The following SLC34A1 variants were observed in gnomAD, a reference collection of about 807,000 sequenced individuals.
The protein encoded by SLC34A1 is sodium-dependent phosphate transport protein 2A.
A neutral mutation model predicts 51.4 loss-of-function variants in SLC34A1; 57 were observed. That is an observed-to-expected ratio of 1.11 (90% CI 0.90 to 1.38). The LOEUF (loss-of-function observed/expected upper bound fraction) is 1.38. Among genes scored for constraint, SLC34A1 ranks in the 40% most tolerant of loss-of-function variants. The probability of loss-of-function intolerance (pLI) is 0.00; values close to 1 mark genes in which losing one functional copy is unlikely to be tolerated. For synonymous variants in SLC34A1, 368 were observed against 358.0 expected, an observed-to-expected ratio of 1.03 and a Z score of -0.32; for missense variants, 796 against 835.6, an observed-to-expected ratio of 0.95 and a Z score of 0.58.
chr5:177,384,948 A>G (rs867523062), intron 1 of SLC34A1, among the ~76,000 whole-genome samples: 19 of 152,084 alleles, frequency 1.2e-4, no homozygotes, highest in Middle Eastern at 6.8e-3. Flanking sequence ...ACGCTGGGAC[A>G]ATGCGGGGAG....
chr5:177,389,591 A>G (rs749991503), intron 8 of SLC34A1: 77 of 1,536,558 alleles, frequency 5.0e-5, no homozygotes, highest in Non-Finnish European at 6.4e-5. Context: ...GAGCTCTCTG[A>G]GCACTCTTAG....
At position 177,385,834 on chromosome 5, in the gene SLC34A1, C is replaced by A; in HGVS notation, c.93C>A (p.Tyr31Ter). The A allele has an allele frequency of 6.2e-7, 1 of 1,613,526 alleles. No homozygotes were observed. Among genetic ancestry groups the A allele is most frequent in the South Asian group, 1.1e-5 (1 of 90,944 alleles). ...GHVMRGTAFA[Y>*]VPSPQVLHRI... ...TGATGCGAGGGACGGCCTTTGCCTA[C>A]GTGCCCAGCCCTCAGGGTAAGTGCT... Residue 31 changes from tyrosine (Y) to a stop codon, truncating the protein, a stop_gained, in exon 2 of 13, where the codon TAC (tyrosine) becomes TAA (stop). Transcript: ENST00000324417. LOFTEE classifies it high-confidence loss of function.
intron 1 of SLC34A1, among the ~76,000 whole-genome samples, chr5:177,384,731 A>C (rs1762498714): frequency 6.6e-6 from 1 of 152,024 alleles, no homozygotes. Context: ...GTGTGGTGGC[A>C]GGCACCTGTA....
rs1762575135 is a variant in SLC34A1 at position 177,386,419 on chromosome 5, C to T, written c.389-4C>T. On this transcript the variant is annotated splice_polypyrimidine_tract_variant and splice_region_variant and intron_variant, in intron 4 of 12. Coordinates refer to ENST00000324417, the MANE Select transcript of SLC34A1 (RefSeq NM_003052.5). This position sits in a 1 kb window ranked among gnomAD's most constrained non-coding sequence, Gnocchi z 4.8. ...CTTGGACAACGCTGGCTCATGCTCC[C>T]CAGGGAAGGTGGCTGGTGACATCTT... The T allele has an allele frequency of 6.2e-7, 1 of 1,614,220 alleles. No homozygotes were observed. The highest frequency in any genetic ancestry group is 2.2e-5 in the East Asian group (1 of 44,880).
chr5:177,387,611 T>C, intron 5 of SLC34A1, 151 bp from the exon 6 acceptor site: 1 of 723,124 alleles, frequency 1.4e-6, no homozygotes, highest in Non-Finnish European at 2.5e-6. Context: ...CGTGCCCACA[T>C]GCACCTGTGA....
In SLC34A1 at chr5:177,386,610, C is replaced by T. The variant is rs1360527088; in HGVS notation, c.532+44C>T. On this transcript the variant is annotated intron_variant, in intron 5 of 12. Coordinates refer to ENST00000324417, the MANE Select transcript of SLC34A1 (RefSeq NM_003052.5). The surrounding 1 kb of genome is among the most constrained non-coding windows in gnomAD (Gnocchi z 4.8). ...GTGGGGAAGAGCTTGGAGGGGCACC[C>T]CAGGAGCTGGGAAGGGTGGCAAATG... The T allele has an allele frequency of 2.5e-6, 4 of 1,610,986 alleles. No individual in the cohort carries two copies. In the African/African-American group the frequency reaches 5.3e-5, roughly 22 times the overall value.
Position 177,396,817 on chromosome 5 carries a change from C to G in SLC34A1, c.1259C>G (p.Ser420Cys). ...ATGACCTTCGTGGTCCAGAGCAGTT[C>G]TGTGTTCACCTCGGCCATCACCCCA... Reference protein sequence around the residue: ...ASMTFVVQSSSVFTSAITPLI... With the variant: ...ASMTFVVQSSCVFTSAITPLI... The change falls in exon 11 of 13, where the codon TCT becomes TGT. Residue 420 changes from serine (S) to cysteine (C), a missense_variant. By Grantham distance (112) the Ser-to-Cys change is moderately radical. Coordinates refer to ENST00000324417, the MANE Select transcript of SLC34A1 (RefSeq NM_003052.5). This position sits in a 1 kb window ranked among gnomAD's most constrained non-coding sequence, Gnocchi z 4.0. 1.9e-6 allele frequency: 3 copies of G among 1,614,242 alleles called. No homozygotes were observed. The highest frequency in any genetic ancestry group is 2.5e-6 in the Non-Finnish European group (3 of 1,180,052).
rs781272696 is a variant in SLC34A1, at chr5:177,396,821, G to A, written c.1263G>A (p.Val421=). The change falls in exon 11 of 13, where the codon GTG becomes GTA. Residue 421 remains valine, a synonymous_variant. Coordinates refer to ENST00000324417, the MANE Select transcript of SLC34A1 (RefSeq NM_003052.5). This position sits in a 1 kb window ranked among gnomAD's most constrained non-coding sequence, Gnocchi z 4.0. ...CCTTCGTGGTCCAGAGCAGTTCTGTGTTCACCTCGGCCATCACCCCACTCA... is the reference window on the plus strand; with the variant it reads ...CCTTCGTGGTCCAGAGCAGTTCTGTATTCACCTCGGCCATCACCCCACTCA... The part of the protein sequence containing the change: ...SMTFVVQSSS[V]FTSAITPLIG... 4.3e-6 allele frequency: 7 copies of A among 1,614,126 alleles called. No individual in the cohort carries two copies. The Admixed American group carries it at 5.0e-5, about 12-fold the overall frequency.
chr5:177,397,398 T>C, intron 12 of SLC34A1: 1 of 486,988 alleles, frequency 2.1e-6, no homozygotes, highest in Non-Finnish European at 3.8e-6. Flanking sequence ...AGGCCGCAAA[T>C]GGCAAAGGGG....
At position 177,386,996 on chromosome 5, in the gene SLC34A1, A is replaced by G. The variant is rs1762597871; in HGVS notation, c.532+430A>G. On this transcript the variant is annotated intron_variant, in intron 5 of 12. Coordinates refer to ENST00000324417, the MANE Select transcript of SLC34A1 (RefSeq NM_003052.5). This position sits in a 1 kb window ranked among gnomAD's most constrained non-coding sequence, Gnocchi z 4.8. ...CTGACTGTAGACGTGAATTGCATCT[A>G]CAAAACACCTTACAGAACACCCAGG... Among the ~76,000 whole-genome samples, 2 of 152,078 alleles carry G rather than the reference A, an allele frequency of 1.3e-5. No individual in the cohort carries two copies. Among genetic ancestry groups the G allele is most frequent in the South Asian group, 4.1e-4 (2 of 4,830 alleles).
chr5:177,393,947 A>G, intron 9 of SLC34A1, 81 bp from the exon 10 acceptor site: 1 of 1,583,282 alleles, frequency 6.3e-7, no homozygotes, highest in South Asian at 1.1e-5. Flanking sequence ...GGGCCTTAGG[A>G]TCAGAGCCCA....
chr5:177,397,590 A>G (rs1469456107), intron 12 of SLC34A1, 193 bp from the exon 13 acceptor site: 18 of 687,612 alleles, frequency 2.6e-5, no homozygotes, highest in East Asian at 1.6e-4. Context: ...CAACTGGTCT[A>G]GAAGTATTTC....
chr5:177,387,166 C>T (rs907701805), intron 5 of SLC34A1, among the ~76,000 whole-genome samples: 2 of 151,176 alleles, frequency 1.3e-5, no homozygotes, highest in South Asian at 2.1e-4. Flanking sequence ...GTCAGTAGAT[C>T]GAGACCACCC....
At position 177,393,707 on chromosome 5, in the gene SLC34A1, T is replaced by C; in HGVS notation, c.950T>C (p.Met317Thr). 6.2e-7 allele frequency: 1 copy of C among 1,614,164 alleles called. No individual in the cohort carries two copies. Among genetic ancestry groups the C allele is most frequent in the Non-Finnish European group, 8.5e-7 (1 of 1,180,012 alleles). Residue 317 changes from methionine (M) to threonine (T), a missense_variant, in exon 9 of 13, where the codon ATG (methionine) becomes ACG (threonine). Transcript: ENST00000324417. ...HPDSLQAPTS[M>T]SRAEANSSQT... Reference sequence around the variant, plus strand: ...CTCCTGATCTAGGCTCCCACCTCCATGTCCAGAGCAGAGGCCAACTCCAGC... The same window carrying C: ...CTCCTGATCTAGGCTCCCACCTCCACGTCCAGAGCAGAGGCCAACTCCAGC...
chr5:177,392,106 T>G (rs970457056), intron 8 of SLC34A1, among the ~76,000 whole-genome samples: 22 of 152,190 alleles, frequency 1.4e-4, no homozygotes, highest in African/African-American at 4.8e-4. Flanking sequence ...AAGAGCACAT[T>G]GCCCCATTCA....
In SLC34A1 at chr5:177,396,982, C is replaced by G; in HGVS notation, c.1324C>G (p.Pro442Ala). The change falls in exon 12 of 13, where the codon CCG (proline) becomes GCG (alanine). Residue 442 changes from proline (P) to alanine (A), a missense_variant. Coordinates refer to ENST00000324417, the MANE Select transcript of SLC34A1 (RefSeq NM_003052.5). This position sits in a 1 kb window ranked among gnomAD's most constrained non-coding sequence, Gnocchi z 4.0. ...LGVISIERAY[P>A]LTLGSNIGTT... ...TGTGATCAGCATTGAGAGGGCCTAC[C>G]CGCTCACACTGGGTTCCAACATCGG... 1.2e-6 allele frequency: 2 copies of G among 1,614,152 alleles called. No homozygotes were observed. The highest frequency in any genetic ancestry group is 1.7e-6 in the Non-Finnish European group (2 of 1,180,022).
Position 177,396,619 on chromosome 5 carries a change from A to G in SLC34A1, c.1175-114A>G, listed in dbSNP as rs9800062. The G allele has an allele frequency of 2.3e-3, 1,505 of 664,998 alleles. 25 individuals carry two copies. In the African/African-American group the frequency reaches 0.033, roughly 15 times the overall value. The allele number at this position is 664,998 out of a possible 1,614,324, so 41.2% of individuals were successfully genotyped here. ...CCTCTCTCCCAGTGCCCCCGCGGAG[A>G]TCCGCTCTCCCAGTGCCCCCGCGGA... On this transcript the variant is annotated intron_variant, in intron 10 of 12. Coordinates refer to ENST00000324417, the MANE Select transcript of SLC34A1 (RefSeq NM_003052.5). This position sits in a 1 kb window ranked among gnomAD's most constrained non-coding sequence, Gnocchi z 4.0.
In SLC34A1 at chr5:177,394,057, C is replaced by T. The variant is rs767360830; in HGVS notation, c.1036C>T (p.Pro346Ser). Reference sequence around the variant, plus strand: ...CCACATCTTTGTGGACACTGGCCTACCGGACCTGGCTGTGGGGCTCATCCT... The same window carrying T: ...CCACATCTTTGTGGACACTGGCCTATCGGACCTGGCTGTGGGGCTCATCCT... The part of the protein sequence containing the change: ...CNHIFVDTGL[P>S]DLAVGLILLA... Residue 346 changes from proline to serine, a missense_variant, in exon 10 of 13, where the codon CCG becomes TCG. By Grantham distance (74) the Pro-to-Ser change is moderately conservative (BLOSUM62 -1). Transcript: ENST00000324417. 5.0e-6 allele frequency: 8 copies of T among 1,614,086 alleles called. No homozygotes were observed. The highest frequency in any genetic ancestry group is 5.9e-6 in the Non-Finnish European group (7 of 1,180,044).
Position 177,388,224 on chromosome 5 carries a change from G to A in SLC34A1, c.840+35G>A, listed in dbSNP as rs930919942. On this transcript the variant is annotated intron_variant, in intron 7 of 12. Transcript: ENST00000324417. The surrounding 1 kb of genome is among the most constrained non-coding windows in gnomAD (Gnocchi z 4.3). ...GGGCCTGGCATGGGGTGAGGGTGGG[G>A]GTAACAAGGGACCCAGCCTCCTTCA... 1.2e-6 allele frequency: 2 copies of A among 1,613,750 alleles called. No homozygotes were observed. The highest frequency in any genetic ancestry group is 1.7e-6 in the Non-Finnish European group (2 of 1,179,854).
Sources: gnomAD v4.1 joint callset for allele counts (sites outside exome capture counted in the v4.1 genomes callset) on GRCh38, gnomAD v4.1.1 for gene constraint, Gnocchi (gnomAD v3.1) non-coding constraint, MANE v1.5 for transcripts, NCBI Gene and HGNC (gene_info 2026-07-23, HGNC 2026-07-21) for gene names.